Variants in PHACTR3 observed in about 807,000 individuals in gnomAD.
The protein encoded by PHACTR3 is phosphatase and actin regulator 3.
Under a neutral mutation model 66.8 loss-of-function variants are expected in PHACTR3, and 16 were observed. The ratio of observed to expected loss-of-function variants is 0.24; its 90% confidence interval spans 0.16 to 0.36. The LOEUF (loss-of-function observed/expected upper bound fraction) is 0.36, where lower values mean the gene tolerates loss of function less well. PHACTR3 is among the 10% of genes least tolerant of loss of function. PHACTR3 has a pLI of 1.00. For missense variants in PHACTR3, 647 were observed against 719.9 expected (o/e 0.90, Z 1.16); for synonymous variants, 323 against 292.1 (o/e 1.11, Z -1.08).
At chr20:59,580,738 C>G (rs1238407378) in intron 1 of PHACTR3, among the ~76,000 whole-genome samples, 3 of 152,180 alleles carry the variant, frequency 2.0e-5, no homozygotes, top group African/African-American at 7.2e-5. Flanking sequence ...CTGGGCAAGG[C>G]TCCCTGGAGG....
intron 7 of PHACTR3, among the ~76,000 whole-genome samples, chr20:59,803,488 G>A (rs551136940): frequency 1.2e-4 from 19 of 152,058 alleles, no homozygotes; most frequent in South Asian, 4.2e-4. Context: ...TAAGTAAAAT[G>A]ATCAATTCTT....
At position 59,842,770 on chromosome 20, in the gene PHACTR3, T is replaced by G. The variant is rs964188177; in HGVS notation, c.1587+1235T>G. On this transcript the variant is annotated intron_variant, in intron 11 of 12. Transcript: ENST00000371015. ...TCCTGTTTCATTAGTGCCCTAAGCA[T>G]GTGCTTGGTCCGTTTAGGTATGGAG... Among the ~76,000 whole-genome samples the G allele has an allele frequency of 3.9e-5, 6 of 152,192 alleles. No individual in the cohort carries two copies. In the East Asian group the frequency reaches 1.2e-3, roughly 29 times the overall value.
intron 1 of PHACTR3, among the ~76,000 whole-genome samples, chr20:59,710,440 G>T (rs1466122356): frequency 6.6e-6 from 1 of 152,118 alleles, no homozygotes; most frequent in African/African-American, 2.4e-5. Flanking sequence ...AGGTCAAGCT[G>T]GGGCTCAAAG....
chr20:59,758,585 C>T (rs957071927), intron 4 of PHACTR3, among the ~76,000 whole-genome samples: 3 of 152,132 alleles, frequency 2.0e-5, no homozygotes, highest in Non-Finnish European at 4.4e-5. Flanking sequence ...CAAGTGGCTG[C>T]CTGCATGCAG....
chr20:59,696,736 G>A (rs1419107802), intron 1 of PHACTR3, among the ~76,000 whole-genome samples: 1 of 152,118 alleles, frequency 6.6e-6, no homozygotes, highest in East Asian at 1.9e-4. Flanking sequence ...AGCAACCTTT[G>A]AGGAGAGCCA....
At position 59,831,092 on chromosome 20, in the gene PHACTR3, G is replaced by A. The variant is rs147872000; in HGVS notation, c.1329-5413G>A. On this transcript the variant is annotated intron_variant, in intron 8 of 12. Transcript: ENST00000371015. ...CAGCACAGGGCCAGGTGTGTCGTAG[G>A]TGACTGCTACAGATCTGTCGTGTGA... Among the ~76,000 whole-genome samples, 393 of 152,304 alleles carry A rather than the reference G, an allele frequency of 2.6e-3. 3 individuals are homozygous for A. Among genetic ancestry groups the A allele is most frequent in the Middle Eastern group, 3.4e-3 (1 of 294 alleles).
chr20:59,842,202 C>G (rs934027310), intron 11 of PHACTR3, among the ~76,000 whole-genome samples: 2 of 152,182 alleles, frequency 1.3e-5, no homozygotes, highest in African/African-American at 2.4e-5. Flanking sequence ...TGATCAAACA[C>G]TTGACTGGCA....
At chr20:59,744,471 C>T (rs1288015842) in intron 2 of PHACTR3, among the ~76,000 whole-genome samples, 1 of 152,216 alleles carries the variant, frequency 6.6e-6, no homozygotes. Context: ...CCAGCCCTGG[C>T]GAGTGCCCGT....
At chr20:59,774,956 G>A (rs2040481672) in intron 7 of PHACTR3, among the ~76,000 whole-genome samples, 1 of 152,146 alleles carries the variant, frequency 6.6e-6, no homozygotes, top group Non-Finnish European at 1.5e-5. Flanking sequence ...AAGAGAGATT[G>A]CTCTATTGAT....
At chr20:59,592,346 A>C (rs1474980) in intron 1 of PHACTR3, among the ~76,000 whole-genome samples, 23,808 of 152,080 alleles carry the variant, frequency 0.16, 1,999 homozygotes, top group South Asian at 0.31. Flanking sequence ...AAGGTACAGG[A>C]ATATTCCATA....
At chr20:59,639,697 C>T (rs1913442045) in intron 1 of PHACTR3, among the ~76,000 whole-genome samples, 1 of 151,962 alleles carries the variant, frequency 6.6e-6, no homozygotes, top group Non-Finnish European at 1.5e-5. Context: ...ATCCTGATGC[C>T]AACCTTGGGT....
chr20:59,673,785 G>A (rs2036277047), intron 1 of PHACTR3, among the ~76,000 whole-genome samples: 1 of 152,110 alleles, frequency 6.6e-6, no homozygotes, highest in African/African-American at 2.4e-5. Flanking sequence ...GGCCTGGGGT[G>A]GACCAAGTGG....
At position 59,707,774 on chromosome 20, in the gene PHACTR3, G is replaced by A. The variant is rs372295907; in HGVS notation, c.119-35333G>A. On this transcript the variant is annotated intron_variant, in intron 1 of 12. Transcript: ENST00000371015. The stretch of plus-strand genomic sequence containing the variant: ...AGCCCCCTTGCCCAGCTCTTGCTCC[G>A]ACTCTTGCCATCGAACGTGCCTGCT... 8.6e-5 allele frequency among the ~76,000 whole-genome samples: 13 copies of A among 152,042 alleles called. No individual in the cohort carries two copies. The East Asian group carries it at 1.4e-3, about 16-fold the overall frequency.
At chr20:59,623,352 C>T (rs1170261631) in intron 1 of PHACTR3, among the ~76,000 whole-genome samples, 1 of 152,098 alleles carries the variant, frequency 6.6e-6, no homozygotes, top group African/African-American at 2.4e-5. Flanking sequence ...GTATTGTACG[C>T]ACCATGCAGC....
chr20:59,799,252 C>A (rs371074135), intron 7 of PHACTR3, among the ~76,000 whole-genome samples: 8 of 152,038 alleles, frequency 5.3e-5, no homozygotes, highest in African/African-American at 1.9e-4. Context: ...AATGCGTGCT[C>A]TTCTGTTGTT....
At chr20:59,709,657 G>A (rs1190974586) in intron 1 of PHACTR3, among the ~76,000 whole-genome samples, 1 of 152,192 alleles carries the variant, frequency 6.6e-6, no homozygotes, top group Non-Finnish European at 1.5e-5. Context: ...GTGAGAGTTA[G>A]CACCTACTTG....
chr20:59,705,853 G>A (rs1015101510), intron 1 of PHACTR3, among the ~76,000 whole-genome samples: 3 of 152,204 alleles, frequency 2.0e-5, no homozygotes, highest in Admixed American at 6.5e-5. Flanking sequence ...GGAATTGGTG[G>A]TGGCCCCCTC....
intron 8 of PHACTR3, among the ~76,000 whole-genome samples, chr20:59,823,337 G>A (rs142765265): frequency 6.6e-6 from 1 of 152,106 alleles, no homozygotes; most frequent in African/African-American, 2.4e-5. Flanking sequence ...GCTGTGCCCA[G>A]CTCGGGGTGA....
chr20:59,845,307 A>AAC, intron 12 of PHACTR3, 42 bp downstream of exon 12: 1 of 1,311,774 alleles, frequency 7.6e-7, no homozygotes, highest in Non-Finnish European at 1.1e-6. Flanking sequence ...TTATTTTTGA[A>AAC]ACACACACCG....
Sources: allele counts gnomAD v4.1 joint callset (sites outside exome capture counted in the v4.1 genomes callset), GRCh38; gene constraint gnomAD v4.1.1; transcripts MANE v1.5; gene names NCBI Gene and HGNC (gene_info 2026-07-23, HGNC 2026-07-21).